The following LINGO2 variants were observed in gnomAD, a reference collection of about 807,000 sequenced individuals.
The protein encoded by LINGO2 is leucine rich repeat and Ig domain containing 2.
In LINGO2, 14 loss-of-function variants were observed where a neutral mutation model predicts 30.6. That is an observed-to-expected ratio of 0.46 (90% confidence interval 0.30 to 0.72). The LOEUF is 0.72. Ranked by LOEUF, LINGO2 falls within the 30% of genes least tolerant of loss-of-function variation. The pLI is 0.07. For synonymous variants in LINGO2, 317 were observed against 288.5 expected, an observed-to-expected ratio of 1.10 and a Z score of -1.00; for missense variants, 729 against 751.7, an observed-to-expected ratio of 0.97 and a Z score of 0.35.
chr9:28,749,014 T>G, the LINGO2 span, among the ~76,000 whole-genome samples: 1 of 152,044 alleles, frequency 6.6e-6, no homozygotes, highest in Non-Finnish European at 1.5e-5. Flanking sequence ...ATTTTTGACT[T>G]ATATTCTAAA....
chr9:29,191,396 T>A, the LINGO2 span, among the ~76,000 whole-genome samples: 1 of 152,156 alleles, frequency 6.6e-6, no homozygotes, highest in African/African-American at 2.4e-5. Flanking sequence ...TTGAGCTATA[T>A]TTTCAGATTT....
chr9:29,110,126 G>T, the LINGO2 span, among the ~76,000 whole-genome samples: 1 of 89,114 alleles, frequency 1.1e-5, no homozygotes, highest in South Asian at 3.2e-4. Context: ...TATGCAAGAC[G>T]TGCATGTGAA....
chr9:28,293,041 G>T (rs1823791986), intron 4 of LINGO2, among the ~76,000 whole-genome samples: 1 of 151,800 alleles, frequency 6.6e-6, no homozygotes, highest in African/African-American at 2.4e-5. Context: ...CAAAGTGCTG[G>T]GATTACAGCC....
At chr9:28,269,935 A>T (rs892012547) in intron 4 of LINGO2, among the ~76,000 whole-genome samples, 3 of 152,146 alleles carry the variant, frequency 2.0e-5, no homozygotes, top group African/African-American at 7.2e-5. Flanking sequence ...AATAACAGCA[A>T]CCACAACAAA....
chr9:29,061,396 G>T, the LINGO2 span, among the ~76,000 whole-genome samples: 3 of 151,724 alleles, frequency 2.0e-5, no homozygotes, highest in Admixed American at 6.6e-5. Context: ...TTTTGAAAAA[G>T]AAAGTTGGAG....
the LINGO2 span, among the ~76,000 whole-genome samples, chr9:28,962,302 T>C: frequency 6.6e-6 from 1 of 152,220 alleles, no homozygotes; most frequent in Middle Eastern, 3.4e-3. Context: ...AAAAGGGAAC[T>C]GAGATTTAGA....
At chr9:28,769,481 TA>T in the LINGO2 span, among the ~76,000 whole-genome samples, 11 of 1,272 alleles carry the variant, frequency 8.6e-3, no homozygotes, top group African/African-American at 0.013. Context: ...TATATATATA[TA>T]TATATATATA....
the LINGO2 span, among the ~76,000 whole-genome samples, chr9:28,958,813 T>G: frequency 6.6e-6 from 1 of 151,910 alleles, no homozygotes; most frequent in Non-Finnish European, 1.5e-5. Flanking sequence ...AAAGAGAGGT[T>G]GGCCATGGCA....
intron 4 of LINGO2, among the ~76,000 whole-genome samples, chr9:28,290,420 C>A (rs1479151861): frequency 6.6e-6 from 1 of 152,168 alleles, no homozygotes; most frequent in Non-Finnish European, 1.5e-5. Flanking sequence ...CTCTCTCCAG[C>A]AACGCTAATA....
At chr9:29,114,976 A>T in the LINGO2 span, among the ~76,000 whole-genome samples, 9 of 152,238 alleles carry the variant, frequency 5.9e-5, no homozygotes, top group African/African-American at 1.9e-4. Flanking sequence ...ATTTGTTTTT[A>T]CCTTTTAATT....
intron 2 of LINGO2, among the ~76,000 whole-genome samples, chr9:28,463,606 A>C (rs1366844813): frequency 6.6e-6 from 1 of 152,056 alleles, no homozygotes; most frequent in Non-Finnish European, 1.5e-5. Flanking sequence ...ATAAAGGAAA[A>C]ATCATGGACA....
the LINGO2 span, among the ~76,000 whole-genome samples, chr9:28,869,760 G>T: frequency 6.6e-6 from 1 of 151,770 alleles, no homozygotes. Context: ...GGTGATTTTG[G>T]ACAACAATGT....
chr9:28,718,180 A>C, the LINGO2 span, among the ~76,000 whole-genome samples: 1 of 149,024 alleles, frequency 6.7e-6, no homozygotes, highest in East Asian at 1.9e-4. Context: ...GTATAAAGGA[A>C]AAAAAAAAAC....
chr9:28,172,036 A>AC (rs1554682060), intron 4 of LINGO2, among the ~76,000 whole-genome samples: 4 of 113,298 alleles, frequency 3.5e-5, no homozygotes, highest in South Asian at 3.2e-4. Context: ...AAAAAAAACA[A>AC]AAAAAAAAAC....
intron 4 of LINGO2, among the ~76,000 whole-genome samples, chr9:28,204,000 G>A (rs910916668): frequency 1.3e-5 from 2 of 152,120 alleles, no homozygotes; most frequent in Admixed American, 6.5e-5. Context: ...GGGTCACAGA[G>A]TATATACAAT....
chr9:29,104,617 C>T, the LINGO2 span, among the ~76,000 whole-genome samples: 4 of 151,972 alleles, frequency 2.6e-5, no homozygotes, highest in Admixed American at 6.5e-5. Flanking sequence ...CTTGGGGAGA[C>T]GAAATACCAA....
the LINGO2 span, among the ~76,000 whole-genome samples, chr9:29,206,217 G>C: frequency 9.2e-5 from 14 of 152,242 alleles, no homozygotes; most frequent in African/African-American, 2.9e-4. Flanking sequence ...ATGATATATT[G>C]CTAGAGATTC....
intron 2 of LINGO2, among the ~76,000 whole-genome samples, chr9:28,396,635 C>G (rs1022513431): frequency 7.5e-6 from 1 of 134,060 alleles, no homozygotes; most frequent in East Asian, 2.5e-4. Context: ...ACCCGGGAGG[C>G]GGAGCTTGCA....
At chr9:28,953,427 CATTG>C in the LINGO2 span, among the ~76,000 whole-genome samples, 6 of 151,892 alleles carry the variant, frequency 4.0e-5, no homozygotes, top group African/African-American at 9.7e-5. Context: ...TAACAATCGT[CATTG>C]ATTATCAGTT....
Sources: allele counts gnomAD v4.1 joint callset (sites outside exome capture counted in the v4.1 genomes callset), GRCh38; gene constraint gnomAD v4.1.1; transcripts MANE v1.5; gene names NCBI Gene and HGNC (gene_info 2026-07-23, HGNC 2026-07-21).